Variants in CDIP1 observed in about 807,000 individuals in gnomAD.
CDIP1 encodes the protein cell death inducing p53 target 1.
Under a neutral mutation model 17.7 loss-of-function variants are expected in CDIP1, and 9 were observed. The observed-to-expected ratio is 0.51, with a 90% CI of 0.31 to 0.89. The LOEUF (loss-of-function observed/expected upper bound fraction) is 0.89, where lower values mean the gene tolerates loss of function less well. Among genes scored for constraint, CDIP1 ranks in the 40% least tolerant of loss-of-function variants. The pLI is 0.05. For synonymous variants in CDIP1, 117 were observed against 109.5 expected (o/e 1.07, Z -0.43); for missense variants, 263 against 277.9 (o/e 0.95, Z 0.38).
intron 1 of CDIP1, among the ~76,000 whole-genome samples, chr16:4,519,387 T>C (rs1437287126): frequency 6.6e-6 from 1 of 152,098 alleles, no homozygotes; most frequent in African/African-American, 2.4e-5. Flanking sequence ...GGTTGAGGGC[T>C]CAGTTCCATG....
chr16:4,520,246 G>T (rs1340758780), intron 1 of CDIP1, among the ~76,000 whole-genome samples: 3 of 152,000 alleles, frequency 2.0e-5, no homozygotes, highest in Non-Finnish European at 4.4e-5. Flanking sequence ...TGAGGAGCTG[G>T]GACTACAGGC....
intron 1 of CDIP1, among the ~76,000 whole-genome samples, chr16:4,537,694 T>C (rs2059123205): frequency 6.6e-6 from 1 of 152,174 alleles, no homozygotes; most frequent in South Asian, 2.1e-4. Context: ...TCCCAACACC[T>C]GGGGTGGGCC....
At chr16:4,524,361 G>A (rs781485302) in intron 1 of CDIP1, 1 of 152,332 alleles carries the variant, frequency 6.6e-6, no homozygotes, top group Non-Finnish European at 1.5e-5. Flanking sequence ...GCCTAATGAA[G>A]TACAGACTGG....
rs537644535 is a variant in CDIP1 at position 4,530,739 on chromosome 16, G to A, written c.-105+7963C>T. ...GACTGTAATCTCAGCACTTTGGGAAGTCAAGGCAGGAGGATCACTTGAGAC... is the reference window on the plus strand; with the variant it reads ...GACTGTAATCTCAGCACTTTGGGAAATCAAGGCAGGAGGATCACTTGAGAC... On this transcript the variant is annotated intron_variant, in intron 1 of 5. Coordinates refer to ENST00000567695, the MANE Select transcript of CDIP1 (RefSeq NM_013399.3). 2.5e-3 allele frequency among the ~76,000 whole-genome samples: 379 copies of A among 152,156 alleles called. 1 individual carries two copies. In the Middle Eastern group the frequency reaches 0.027, roughly 11 times the overall value.
At chr16:4,524,245 A>T (rs2058978223) in intron 1 of CDIP1, 1 of 152,254 alleles carries the variant, frequency 6.6e-6, no homozygotes, top group South Asian at 2.1e-4. Flanking sequence ...GCCTTCCATG[A>T]ATTACTACGC....
chr16:4,512,535 A>G lies in CDIP1; in HGVS notation c.*37T>C. The G allele has an allele frequency of 6.8e-7, 1 of 1,469,780 alleles. No homozygotes were observed. The highest frequency in any genetic ancestry group is 9.5e-7 in the Non-Finnish European group (1 of 1,048,978). 91.0% of individuals were successfully genotyped at this position (1,469,780 alleles called of 1,614,324 possible). ...CACAGGGAGCAAAGCACAGGGGGCCAGACTGACAGGCGGGGGAGTCCCGAG... is the reference window on the plus strand; with the variant it reads ...CACAGGGAGCAAAGCACAGGGGGCCGGACTGACAGGCGGGGGAGTCCCGAG... On this transcript the variant is annotated 3_prime_UTR_variant, in exon 6 of 6. Coordinates refer to ENST00000567695, the MANE Select transcript of CDIP1 (RefSeq NM_013399.3). This position sits in a 1 kb window ranked among gnomAD's most constrained non-coding sequence, Gnocchi z 4.6.
chr16:4,520,797 G>A (rs1390127098), intron 1 of CDIP1, among the ~76,000 whole-genome samples: 1 of 152,130 alleles, frequency 6.6e-6, no homozygotes, highest in Non-Finnish European at 1.5e-5. Context: ...CCTTGAAGTA[G>A]CAAGTTCACT....
chr16:4,535,091 A>T (rs2059094529), intron 1 of CDIP1, among the ~76,000 whole-genome samples: 1 of 151,682 alleles, frequency 6.6e-6, no homozygotes, highest in Admixed American at 6.6e-5. Flanking sequence ...TTCTCCCTAA[A>T]CCCTCCCAAG....
intron 1 of CDIP1, among the ~76,000 whole-genome samples, chr16:4,526,106 G>A (rs929754504): frequency 2.0e-5 from 3 of 152,206 alleles, no homozygotes; most frequent in East Asian, 1.9e-4. Context: ...GAGTCTCAGC[G>A]GAAATAAGAC....
rs138654258 is a variant in CDIP1, at chr16:4,519,437, G to A, written c.-104-4773C>T. On this transcript the variant is annotated intron_variant, in intron 1 of 5. Coordinates refer to ENST00000567695, the MANE Select transcript of CDIP1 (RefSeq NM_013399.3). ...CTGATCATCGCAATTCCTAGCTTGC[G>A]ACCTGCGCTTCTGACAGACTGGCTA... Among the ~76,000 whole-genome samples, 17 of 152,296 alleles carry A rather than the reference G, an allele frequency of 1.1e-4. No individual in the cohort carries two copies. In the East Asian group the frequency reaches 2.9e-3, roughly 26 times the overall value.
chr16:4,528,751 G>A (rs2059026206), intron 1 of CDIP1, among the ~76,000 whole-genome samples: 1 of 151,256 alleles, frequency 6.6e-6, no homozygotes, highest in Non-Finnish European at 1.5e-5. Flanking sequence ...CACTTTGGGA[G>A]GCTGAGGCAC....
intron 1 of CDIP1, among the ~76,000 whole-genome samples, chr16:4,530,666 A>C (rs1025461634): frequency 1.3e-4 from 19 of 151,552 alleles, no homozygotes; most frequent in African/African-American, 4.6e-4. Context: ...AAAAACAAAA[A>C]CAAAAAAAAC....
At chr16:4,518,812 G>A (rs1478718876) in intron 1 of CDIP1, among the ~76,000 whole-genome samples, 4 of 152,148 alleles carry the variant, frequency 2.6e-5, no homozygotes, top group Non-Finnish European at 4.4e-5. Flanking sequence ...CCAATAAAAC[G>A]AGTACTGTTC....
At chr16:4,531,956 C>T (rs147766888) in intron 1 of CDIP1, among the ~76,000 whole-genome samples, 3,428 of 152,360 alleles carry the variant, frequency 0.022, 63 homozygotes, top group Middle Eastern at 0.054. Flanking sequence ...GGACACAGAA[C>T]GTGCTGTTTC....
At position 4,513,697 on chromosome 16, in the gene CDIP1, C is replaced by CGG; in HGVS notation, c.238_239dup (p.Gly81ArgfsTer46). ...CCCTCAGATCCCTTCCCCACTCACC[C>CGG]GGAGGCATGTAGGTGCCATCTGCAC... On this transcript the variant is annotated frameshift_variant and splice_region_variant, in exon 4 of 6. Transcript: ENST00000567695. LOFTEE classifies it high-confidence loss of function. This position sits in a 1 kb window ranked among gnomAD's most constrained non-coding sequence, Gnocchi z 4.1. 6.2e-7 allele frequency: 1 copy of CGG among 1,613,152 alleles called. No individual in the cohort carries two copies. The highest frequency in any genetic ancestry group is 8.5e-7 in the Non-Finnish European group (1 of 1,179,488).
chr16:4,524,467 C>G (rs998211307), intron 1 of CDIP1, among the ~76,000 whole-genome samples: 2 of 152,200 alleles, frequency 1.3e-5, no homozygotes, highest in Non-Finnish European at 2.9e-5. Context: ...AGAGGGTCCC[C>G]GAGCTTTCTT....
intron 1 of CDIP1, among the ~76,000 whole-genome samples, chr16:4,530,565 C>T (rs2059045077): frequency 6.6e-6 from 1 of 151,620 alleles, no homozygotes; most frequent in Non-Finnish European, 1.5e-5. Flanking sequence ...AGGAGAATCA[C>T]TTGAACCCAC....
chr16:4,528,501 T>G (rs1376324431), intron 1 of CDIP1, among the ~76,000 whole-genome samples: 1 of 152,032 alleles, frequency 6.6e-6, no homozygotes, highest in East Asian at 1.9e-4. Context: ...AGGCAGCACC[T>G]TTACATGACT....
intron 1 of CDIP1, chr16:4,522,527 G>C (rs1183437591): frequency 6.6e-6 from 1 of 152,280 alleles, no homozygotes; most frequent in Non-Finnish European, 1.5e-5. Flanking sequence ...TGCTTTGCTG[G>C]GAAAACTGAA....
Sources: allele counts gnomAD v4.1 joint callset (sites outside exome capture counted in the v4.1 genomes callset), GRCh38; gene constraint gnomAD v4.1.1; non-coding constraint Gnocchi (gnomAD v3.1); transcripts MANE v1.5; gene names NCBI Gene and HGNC (gene_info 2026-07-23, HGNC 2026-07-21).